LRFN2: variants seen among roughly 807,000 people sequenced by gnomAD.
LRFN2 encodes leucine-rich repeat and fibronectin type-III domain-containing protein 2.
LRFN2 carries 18 observed loss-of-function variants against 37.3 expected under a neutral mutation model. That is an observed-to-expected ratio of 0.48 (90% CI 0.33 to 0.72). The LOEUF (loss-of-function observed/expected upper bound fraction) is 0.72. Among genes scored for constraint, LRFN2 ranks in the 30% least tolerant of loss-of-function variants. The probability of loss-of-function intolerance (pLI) is 0.02; values close to 1 mark genes in which losing one functional copy is unlikely to be tolerated. For synonymous variants in LRFN2, 556 were observed against 466.6 expected (o/e 1.19, Z -2.47); for missense variants, 1,006 against 1,060.7 (o/e 0.95, Z 0.72).
intron 1 of LRFN2, among the ~76,000 whole-genome samples, chr6:40,438,732 G>T (rs983882715): frequency 6.6e-6 from 1 of 152,062 alleles, no homozygotes; most frequent in East Asian, 1.9e-4. Flanking sequence ...CTTGGGGTTG[G>T]GCCTGGAAGG....
At chr6:40,510,669 A>G (rs1424615455) in intron 1 of LRFN2, among the ~76,000 whole-genome samples, 1 of 152,236 alleles carries the variant, frequency 6.6e-6, no homozygotes, top group Non-Finnish European at 1.5e-5. Context: ...TGACAGGTCC[A>G]TGACCAGAAT....
chr6:40,533,033 T>C (rs1248863474), intron 1 of LRFN2, among the ~76,000 whole-genome samples: 3 of 152,140 alleles, frequency 2.0e-5, no homozygotes, highest in Non-Finnish European at 4.4e-5. Flanking sequence ...AGTGTTAAAT[T>C]CCCACAGGAT....
chr6:40,568,275 G>C (rs1394784294), intron 1 of LRFN2, among the ~76,000 whole-genome samples: 1 of 152,232 alleles, frequency 6.6e-6, no homozygotes, highest in East Asian at 1.9e-4. Context: ...GTGGACTGTG[G>C]TGTCTGCCCT....
At chr6:40,566,653 A>G (rs1455463344) in intron 1 of LRFN2, among the ~76,000 whole-genome samples, 1 of 151,188 alleles carries the variant, frequency 6.6e-6, no homozygotes, top group African/African-American at 2.4e-5. Flanking sequence ...CAAACACCGC[A>G]TGTTCTCACT....
intron 2 of LRFN2, among the ~76,000 whole-genome samples, chr6:40,427,374 A>G (rs187244200): frequency 2.0e-5 from 3 of 152,334 alleles, no homozygotes; most frequent in Admixed American, 2.0e-4. Flanking sequence ...GTCCTGTATG[A>G]CTGTGACGTG....
chr6:40,419,851 A>G lies in LRFN2; in HGVS notation c.1400+11863T>C, dbSNP rs1426197956. Among the ~76,000 whole-genome samples the G allele has an allele frequency of 2.0e-5, 3 of 152,310 alleles. No individual in the cohort carries two copies. In the East Asian group the frequency reaches 5.8e-4, roughly 29 times the overall value. On this transcript the variant is annotated intron_variant, in intron 2 of 2. Transcript: ENST00000338305. ...TCCTCTCAAGCCAGGCAGTTAGCTCATGGAAAAGCCCAAGTGGACTAATTT... is the reference window on the plus strand; with the variant it reads ...TCCTCTCAAGCCAGGCAGTTAGCTCGTGGAAAAGCCCAAGTGGACTAATTT...
In LRFN2 at chr6:40,431,748, A is replaced by G; in HGVS notation, c.1366T>C (p.Tyr456His). Residue 456 changes from tyrosine to histidine, a missense_variant, in exon 2 of 3, where the codon TAC becomes CAC. Physicochemically the swap from Tyr to His is moderately conservative, Grantham distance 83. Coordinates refer to ENST00000338305, the MANE Select transcript of LRFN2 (RefSeq NM_020737.3). ...APRVKMYQLQYNCSDDEVLIY... is the reference protein window; with the variant it reads ...APRVKMYQLQHNCSDDEVLIY... Reference sequence around the variant, plus strand: ...AGTACCTCATCGTCAGAGCAGTTGTACTGCAGCTGGTACATCTTCACCCGG... The same window carrying G: ...AGTACCTCATCGTCAGAGCAGTTGTGCTGCAGCTGGTACATCTTCACCCGG... The G allele has an allele frequency of 6.6e-7, 1 of 1,522,238 alleles. No individual in the cohort carries two copies. Among genetic ancestry groups the G allele is most frequent in the Non-Finnish European group, 8.8e-7 (1 of 1,135,474 alleles). 94.3% of individuals were successfully genotyped at this position (1,522,238 alleles called of 1,614,324 possible).
At chr6:40,399,426 C>CTTTTTTTTTTTTTTT (rs61458320) in intron 2 of LRFN2, among the ~76,000 whole-genome samples, 1 of 134,370 alleles carries the variant, frequency 7.4e-6, no homozygotes, top group African/African-American at 2.7e-5. Flanking sequence ...TTTTTCTTTT[C>CTTTTTTTTTTTTTTT]TTTTTTTTTT....
At chr6:40,514,625 T>C (rs1228828964) in intron 1 of LRFN2, among the ~76,000 whole-genome samples, 1 of 152,168 alleles carries the variant, frequency 6.6e-6, no homozygotes, top group African/African-American at 2.4e-5. Context: ...ATATGTTACA[T>C]GTGACTAGGT....
intron 1 of LRFN2, among the ~76,000 whole-genome samples, chr6:40,556,046 C>CG (rs1766870011): frequency 6.6e-6 from 1 of 152,162 alleles, no homozygotes; most frequent in African/African-American, 2.4e-5. Context: ...ACACGCCGAC[C>CG]GTCACTGTCA....
chr6:40,536,392 G>A (rs1561899507), intron 1 of LRFN2, among the ~76,000 whole-genome samples: 1 of 152,292 alleles, frequency 6.6e-6, no homozygotes, highest in South Asian at 2.1e-4. Context: ...CTGCCTTCCT[G>A]GAACCGAACC....
chr6:40,531,019 G>T (rs760663620), intron 1 of LRFN2, among the ~76,000 whole-genome samples: 1 of 152,148 alleles, frequency 6.6e-6, no homozygotes, highest in East Asian at 1.9e-4. Flanking sequence ...ATCCAAAAAA[G>T]CATGCATATT....
intron 1 of LRFN2, among the ~76,000 whole-genome samples, chr6:40,435,296 A>G (rs1231220444): frequency 2.6e-5 from 4 of 150,944 alleles, no homozygotes; most frequent in Non-Finnish European, 4.4e-5. Context: ...GAGTAACTAC[A>G]GGCACTTGCC....
chr6:40,429,558 A>G lies in LRFN2; in HGVS notation c.1400+2156T>C, dbSNP rs557680441. On this transcript the variant is annotated intron_variant, in intron 2 of 2. Coordinates refer to ENST00000338305, the MANE Select transcript of LRFN2 (RefSeq NM_020737.3). ...CACCTCTCAAATTGGCAAAGATGAA[A>G]GTAATTATATATTCAATATTGGCAA... is the stretch of plus-strand genomic sequence containing the variant. 3.3e-5 allele frequency among the ~76,000 whole-genome samples: 5 copies of G among 152,368 alleles called. No individual in the cohort carries two copies. The South Asian group carries it at 1.0e-3, about 32-fold the overall frequency.
At chr6:40,416,390 T>C (rs996156813) in intron 2 of LRFN2, among the ~76,000 whole-genome samples, 1 of 112,966 alleles carries the variant, frequency 8.9e-6, no homozygotes, top group Non-Finnish European at 1.6e-5. Flanking sequence ...CTGCATGAGG[T>C]CAGCCAACAT....
intron 2 of LRFN2, among the ~76,000 whole-genome samples, chr6:40,412,431 G>T (rs573151492): frequency 6.6e-6 from 1 of 152,142 alleles, no homozygotes; most frequent in Non-Finnish European, 1.5e-5. Context: ...GCACAGCTCC[G>T]GGGTCCCATA....
chr6:40,518,307 T>A (rs1039720648), intron 1 of LRFN2, among the ~76,000 whole-genome samples: 12 of 152,212 alleles, frequency 7.9e-5, no homozygotes, highest in Admixed American at 7.2e-4. Context: ...GACCAATAAA[T>A]ATTTGTTCAA....
chr6:40,443,145 C>T (rs1364536529), intron 1 of LRFN2, among the ~76,000 whole-genome samples: 1 of 152,048 alleles, frequency 6.6e-6, no homozygotes, highest in East Asian at 1.9e-4. Context: ...ACAAAGGGAT[C>T]CCACGTGGTA....
intron 2 of LRFN2, among the ~76,000 whole-genome samples, chr6:40,430,176 T>C (rs1474884178): frequency 6.6e-6 from 1 of 152,222 alleles, no homozygotes; most frequent in Non-Finnish European, 1.5e-5. Flanking sequence ...TTTCTCTCCA[T>C]CCTGAGATGT....
Sources: gnomAD v4.1 joint callset for allele counts (sites outside exome capture counted in the v4.1 genomes callset) on GRCh38, gnomAD v4.1.1 for gene constraint, MANE v1.5 for transcripts, NCBI Gene and HGNC (gene_info 2026-07-23, HGNC 2026-07-21) for gene names.